Variants in PAFAH1B1 observed in about 807,000 individuals in gnomAD.
PAFAH1B1 encodes the protein platelet activating factor acetylhydrolase 1b regulatory subunit 1.
PAFAH1B1 carries 2 observed loss-of-function variants against 57.5 expected under a neutral mutation model. That is an observed-to-expected ratio of 0.03 (90% CI 0.01 to 0.11). The LOEUF (loss-of-function observed/expected upper bound fraction) is 0.11. Among genes scored for constraint, PAFAH1B1 ranks in the 10% least tolerant of loss-of-function variants. The pLI, the probability that PAFAH1B1 is intolerant of heterozygous loss-of-function variation, is 1.00. For synonymous variants in PAFAH1B1, 152 were observed against 169.6 expected (o/e 0.90, Z 0.81); for missense variants, 257 against 512.0 (o/e 0.50, Z 4.81).
At position 2,665,999 on chromosome 17, in the gene PAFAH1B1, A is replaced by G. The variant is rs1057174320; in HGVS notation, c.118-17A>G. The G allele has an allele frequency of 4.8e-6, 7 of 1,469,750 alleles. No homozygotes were observed. Among genetic ancestry groups the G allele is most frequent in the Non-Finnish European group, 6.5e-6 (7 of 1,081,448 alleles). 91.0% of individuals were successfully genotyped at this position (1,469,750 alleles called of 1,614,324 possible). On this transcript the variant is annotated splice_polypyrimidine_tract_variant and intron_variant, in intron 3 of 10. Coordinates refer to ENST00000397195, the MANE Select transcript of PAFAH1B1 (RefSeq NM_000430.4). ...AGTTAAGCCATTTTTTAAAAATTCTAAATTTATTTTCTCTAGAATGAAGAA... is the reference window on the plus strand; with the variant it reads ...AGTTAAGCCATTTTTTAAAAATTCTGAATTTATTTTCTCTAGAATGAAGAA...
At chr17:2,670,056 T>G in intron 5 of PAFAH1B1, 107 bp from the exon 6 acceptor site, 1 of 872,026 alleles carries the variant, frequency 1.1e-6, no homozygotes. Context: ...TTGTTACTTG[T>G]TCGGTTAGTT....
intron 1 of PAFAH1B1, among the ~76,000 whole-genome samples, chr17:2,628,152 T>C (rs568546889): frequency 3.9e-4 from 59 of 152,310 alleles, no homozygotes; most frequent in Non-Finnish European, 7.1e-4. Flanking sequence ...CCTTGTCTTG[T>C]TCGAGTTCTC....
rs561581031 is a variant in PAFAH1B1 at position 2,598,332 on chromosome 17, A to G, written c.-191+4326A>G. Among the ~76,000 whole-genome samples the G allele has an allele frequency of 2.5e-3, 385 of 152,256 alleles. 2 individuals are homozygous for G. Among genetic ancestry groups the G allele is most frequent in the South Asian group, 3.9e-3 (19 of 4,832 alleles). On this transcript the variant is annotated intron_variant, in intron 1 of 10. Transcript: ENST00000397195. The stretch of plus-strand genomic sequence containing the variant: ...AATATTAGGGCAGAGTGAATTTTCA[A>G]TATCTTCCCATTGAGTTCTAAAGCA...
At position 2,666,095 on chromosome 17, in the gene PAFAH1B1, C is replaced by G; in HGVS notation, c.192+5C>G. On this transcript the variant is annotated splice_donor_5th_base_variant and intron_variant, in intron 4 of 10. Transcript: ENST00000397195. ...GTTATTAGATTACAAAAGAAGGTAACTAAGTCTTTTTTCTTTAAAATTAGT... is the reference window on the plus strand; with the variant it reads ...GTTATTAGATTACAAAAGAAGGTAAGTAAGTCTTTTTTCTTTAAAATTAGT... 6.7e-7 allele frequency: 1 copy of G among 1,494,490 alleles called. No homozygotes were observed. The allele number at this position is 1,494,490 out of a possible 1,614,324, so 92.6% of individuals were successfully genotyped here. A position where few individuals can be genotyped will look rare whatever the true frequency, so the allele number is the denominator to read the frequency against.
intron 1 of PAFAH1B1, among the ~76,000 whole-genome samples, chr17:2,612,548 A>C (rs1346923533): frequency 6.6e-6 from 1 of 151,312 alleles, no homozygotes; most frequent in Admixed American, 6.6e-5. Flanking sequence ...ACTACTATTA[A>C]AAGTAGCTGT....
chr17:2,674,164 G>A lies in PAFAH1B1; in HGVS notation c.776G>A (p.Arg259His). 6.2e-7 allele frequency: 1 copy of A among 1,614,052 alleles called. No homozygotes were observed. The highest frequency in any genetic ancestry group is 8.5e-7 in the Non-Finnish European group (1 of 1,179,944). ...IASCSNDQTV[R>H]VWVVATKECK... is the part of the protein sequence containing the mutation. ...AGCTGTTCCAATGACCAGACTGTGC[G>A]TGTATGGGTCGTAGCAACAAAGGAA... Residue 259 changes from arginine (R) to histidine (H), a missense_variant, in exon 8 of 11, where the codon CGT (arginine) becomes CAT (histidine). By Grantham distance (29) the Arg-to-His change is conservative. Transcript: ENST00000397195.
At chr17:2,633,175 C>CTT (rs1235067252) in intron 1 of PAFAH1B1, among the ~76,000 whole-genome samples, 5 of 142,752 alleles carry the variant, frequency 3.5e-5, no homozygotes, top group Admixed American at 7.0e-5. Flanking sequence ...TCTTTCTTTT[C>CTT]TTTTTTTTTT....
At chr17:2,623,578 CTATCA>C (rs1179246584) in intron 1 of PAFAH1B1, among the ~76,000 whole-genome samples, 1 of 149,642 alleles carries the variant, frequency 6.7e-6, no homozygotes, top group Non-Finnish European at 1.5e-5. Flanking sequence ...GTTTTTTTTT[CTATCA>C]TATAGTCAGG....
intron 1 of PAFAH1B1, among the ~76,000 whole-genome samples, chr17:2,606,104 G>A (rs928151138): frequency 1.2e-4 from 19 of 152,148 alleles, no homozygotes; most frequent in African/African-American, 3.9e-4. Context: ...TTTGAGGTAG[G>A]CGGTATATTA....
chr17:2,672,285 CAAAAAAAAAAAA>C lies in PAFAH1B1; in HGVS notation c.569-354_569-343del, dbSNP rs35332619. ...GGTAACAGAGCAAGTCCTTGCCTCA[CAAAAAAAAAAAA>C]AAAAAAAAAAAAAAATGTTTCCCTA... is the stretch of plus-strand genomic sequence containing the variant. On this transcript the variant is annotated intron_variant, in intron 6 of 10. Coordinates refer to ENST00000397195, the MANE Select transcript of PAFAH1B1 (RefSeq NM_000430.4). 2.9e-4 allele frequency among the ~76,000 whole-genome samples: 20 copies of C among 69,590 alleles called. 1 individual carries two copies. The highest frequency in any genetic ancestry group is 4.6e-4 in the East Asian group (1 of 2,186). The allele number at this position is 69,590 out of a possible 152,430, so 45.7% of individuals were successfully genotyped here.
At chr17:2,645,103 C>T (rs1381870745) in intron 2 of PAFAH1B1, among the ~76,000 whole-genome samples, 5 of 151,908 alleles carry the variant, frequency 3.3e-5, no homozygotes, top group Non-Finnish European at 2.9e-5. Context: ...AAAAATTAGC[C>T]GGTTGTGGTG....
At chr17:2,650,565 G>A (rs2068834708) in intron 2 of PAFAH1B1, among the ~76,000 whole-genome samples, 2 of 147,698 alleles carry the variant, frequency 1.4e-5, no homozygotes, top group South Asian at 4.3e-4. Context: ...CTACCTGGGA[G>A]GCCTCAGTGG....
chr17:2,676,463 C>T lies in PAFAH1B1; in HGVS notation c.901-42C>T, dbSNP rs767737899. On this transcript the variant is annotated intron_variant, in intron 8 of 10. Transcript: ENST00000397195. Reference sequence around the variant, plus strand: ...GAAGCCATTTAAAGTCCATACCTAACTTCTTGTGTGGGAAACTTAATTTTT... The same window carrying T: ...GAAGCCATTTAAAGTCCATACCTAATTTCTTGTGTGGGAAACTTAATTTTT... 22 of 1,241,346 alleles carry T rather than the reference C, an allele frequency of 1.8e-5. No individual in the cohort carries two copies. In the South Asian group the frequency reaches 1.9e-4, roughly 11 times the overall value. The allele number at this position is 1,241,346 out of a possible 1,614,324, so 76.9% of individuals were successfully genotyped here.
rs896397829 is a variant in PAFAH1B1 at position 2,684,051 on chromosome 17, G to A, written c.*2249G>A. On this transcript the variant is annotated 3_prime_UTR_variant, in exon 11 of 11. Coordinates refer to ENST00000397195, the MANE Select transcript of PAFAH1B1 (RefSeq NM_000430.4). ...CACAGCGACTTGCGTTGACAAAGGA[G>A]GAGGAAACGATTACTCTGTAAACAA... 2 of 152,656 alleles carry A rather than the reference G, an allele frequency of 1.3e-5. No homozygotes were observed. The highest frequency in any genetic ancestry group is 2.9e-5 in the Non-Finnish European group (2 of 68,048). 9.5% of individuals were successfully genotyped at this position (152,656 alleles called of 1,614,324 possible).
At chr17:2,637,918 T>C (rs749251213) in intron 1 of PAFAH1B1, among the ~76,000 whole-genome samples, 181 bp from the exon 2 acceptor site, 3 of 152,220 alleles carry the variant, frequency 2.0e-5, no homozygotes, top group Admixed American at 6.5e-5. Flanking sequence ...ATTATTAATT[T>C]AAAAGACAAA....
chr17:2,620,592 C>T (rs540782100), intron 1 of PAFAH1B1, among the ~76,000 whole-genome samples: 90 of 152,174 alleles, frequency 5.9e-4, no homozygotes, highest in Non-Finnish European at 1.0e-3. Context: ...GGCCGGGCGC[C>T]GTTGCTCATG....
At chr17:2,624,247 A>G (rs1256205577) in intron 1 of PAFAH1B1, among the ~76,000 whole-genome samples, 2 of 152,172 alleles carry the variant, frequency 1.3e-5, no homozygotes, top group African/African-American at 4.8e-5. Flanking sequence ...AGGAGATTCT[A>G]AACTTTCCCA....
At chr17:2,659,520 CAAAAAAAA>C (rs1162326785) in intron 2 of PAFAH1B1, 66 of 42,766 alleles carry the variant, frequency 1.5e-3, no homozygotes, top group South Asian at 5.9e-3. Context: ...ACTGCCTCGC[CAAAAAAAA>C]AAAAAAAAAA....
intron 1 of PAFAH1B1, among the ~76,000 whole-genome samples, chr17:2,620,127 GTA>G (rs992318364): frequency 1.3e-5 from 2 of 152,000 alleles, no homozygotes; most frequent in Non-Finnish European, 2.9e-5. Flanking sequence ...CTGATTTTTA[GTA>G]TATTCAGAAG....
Sources: allele counts gnomAD v4.1 joint callset (sites outside exome capture counted in the v4.1 genomes callset), GRCh38; gene constraint gnomAD v4.1.1; transcripts MANE v1.5; gene names NCBI Gene and HGNC (gene_info 2026-07-23, HGNC 2026-07-21).